ZBBX: variants seen among roughly 807,000 people sequenced by gnomAD.
The protein encoded by ZBBX is zinc finger B-box domain-containing protein 1.
In ZBBX, 101 loss-of-function variants were observed where a neutral mutation model predicts 108.5. The ratio of observed to expected loss-of-function variants is 0.93; its 90% confidence interval spans 0.79 to 1.10. The LOEUF (loss-of-function observed/expected upper bound fraction) is 1.10, where lower values mean the gene tolerates loss of function less well. ZBBX is among the 50% of genes least tolerant of loss of function. The pLI, the probability that ZBBX is intolerant of heterozygous loss-of-function variation, is 0.00. For missense variants in ZBBX, 1,009 were observed against 941.4 expected (o/e 1.07, Z -0.94); for synonymous variants, 356 against 323.4 (o/e 1.10, Z -1.08).
At chr3:167,233,366 G>GCCTCTC in the ZBBX span, among the ~76,000 whole-genome samples, 1,357 of 151,932 alleles carry the variant, frequency 8.9e-3, 24 homozygotes, top group African/African-American at 0.031. Flanking sequence ...ATATCTGTCA[G>GCCTCTC]AGTAAAGCTG....
chr3:167,387,818 T>C (rs1321670091), intron 1 of ZBBX, among the ~76,000 whole-genome samples: 3 of 151,986 alleles, frequency 2.0e-5, no homozygotes, highest in Non-Finnish European at 4.4e-5. Context: ...TGGAATTAAC[T>C]AGATGAGAGG....
chr3:167,367,999 T>C lies in ZBBX; in HGVS notation c.182+462A>G, dbSNP rs962721303. 2.1e-5 allele frequency among the ~76,000 whole-genome samples: 3 copies of C among 145,934 alleles called. No individual in the cohort carries two copies. In the South Asian group the frequency reaches 6.4e-4, roughly 31 times the overall value. On this transcript the variant is annotated intron_variant, in intron 5 of 21. Coordinates refer to ENST00000675490, the MANE Select transcript of ZBBX (RefSeq NM_001199201.2). ...ATATATATATATATACATATATATA[T>C]GTAATAGCATTTATTTTTCAGATCT...
downstream of ZBBX, among the ~76,000 whole-genome samples, chr3:167,239,120 C>A (rs1419355696): frequency 6.6e-6 from 1 of 151,964 alleles, no homozygotes; most frequent in Admixed American, 6.6e-5. Context: ...GGCTGGAGAC[C>A]CAGGGAAGAT....
chr3:167,195,000 C>T, the ZBBX span, among the ~76,000 whole-genome samples: 10 of 152,240 alleles, frequency 6.6e-5, no homozygotes, highest in African/African-American at 1.7e-4. Context: ...TTTCAGGCCA[C>T]GAGAAACGTC....
chr3:167,371,925 T>C (rs1343247790), intron 4 of ZBBX, among the ~76,000 whole-genome samples: 10 of 152,140 alleles, frequency 6.6e-5, no homozygotes, highest in Admixed American at 5.9e-4. Flanking sequence ...TTAAAAATGA[T>C]AGTCTGGGCT....
At position 167,315,757 on chromosome 3, in the gene ZBBX, G is replaced by T. The variant is rs774362196; in HGVS notation, c.1267C>A (p.Gln423Lys). The T allele has an allele frequency of 1.6e-5, 26 of 1,606,404 alleles. No homozygotes were observed. In the Admixed American group the frequency reaches 3.2e-4, roughly 20 times the overall value. ...TAATTAGAAAGGTTTTACCTTCGTTGACTGTCTGCATCAGCTAATTTAACT... is the reference window on the plus strand; with the variant it reads ...TAATTAGAAAGGTTTTACCTTCGTTTACTGTCTGCATCAGCTAATTTAACT... ...YKVKLADADS[Q>K]RSCAFHDCQK... is the part of the protein sequence containing the mutation. The change falls in exon 15 of 22, where the codon CAA becomes AAA. Residue 423 changes from glutamine to lysine, a missense_variant. Coordinates refer to ENST00000675490, the MANE Select transcript of ZBBX (RefSeq NM_001199201.2).
chr3:167,308,832 A>T (rs1734101281), intron 16 of ZBBX, among the ~76,000 whole-genome samples: 1 of 152,166 alleles, frequency 6.6e-6, no homozygotes, highest in Non-Finnish European at 1.5e-5. Context: ...GAGGAGCAGG[A>T]AAAATCACTA....
chr3:167,283,750 A>T (rs1158218891), intron 19 of ZBBX, among the ~76,000 whole-genome samples: 2 of 152,064 alleles, frequency 1.3e-5, no homozygotes, highest in Admixed American at 1.3e-4. Context: ...GGTTCAAGCG[A>T]TTCTCCTGCC....
the ZBBX span, among the ~76,000 whole-genome samples, chr3:167,211,434 A>C: frequency 6.6e-6 from 1 of 152,040 alleles, no homozygotes. Context: ...TCCTGTACAT[A>C]CCCCTAGGCA....
At chr3:167,291,168 C>G (rs988933370) in intron 18 of ZBBX, among the ~76,000 whole-genome samples, 6 of 152,002 alleles carry the variant, frequency 3.9e-5, no homozygotes, top group Admixed American at 3.9e-4. Flanking sequence ...CCCAACCTAC[C>G]AAGACAGGCC....
chr3:167,257,708 G>GT (rs1356473693), intron 20 of ZBBX, among the ~76,000 whole-genome samples: 3 of 151,958 alleles, frequency 2.0e-5, no homozygotes, highest in African/African-American at 7.2e-5. Context: ...CTTTCAGGAG[G>GT]TGGTATCACA....
Position 167,240,569 on chromosome 3 carries a change from C to T in ZBBX, c.*224G>A. Reference sequence around the variant, plus strand: ...ATTTCTTCAAATTCACCATATTTTACTAACATAATCTGCAATATAGATTAG... The same window carrying T: ...ATTTCTTCAAATTCACCATATTTTATTAACATAATCTGCAATATAGATTAG... On this transcript the variant is annotated 3_prime_UTR_variant, in exon 22 of 22. Coordinates refer to ENST00000675490, the MANE Select transcript of ZBBX (RefSeq NM_001199201.2). 2.9e-6 allele frequency: 1 copy of T among 345,548 alleles called. No individual in the cohort carries two copies. Among genetic ancestry groups the T allele is most frequent in the Non-Finnish European group, 5.2e-6 (1 of 192,178 alleles). 21.4% of individuals were successfully genotyped at this position (345,548 alleles called of 1,614,324 possible).
In ZBBX at chr3:167,240,806, G is replaced by T; in HGVS notation, c.2507C>A (p.Ser836Ter). 1 of 1,613,092 alleles carries T rather than the reference G, an allele frequency of 6.2e-7. No individual in the cohort carries two copies. The highest frequency in any genetic ancestry group is 1.1e-5 in the South Asian group (1 of 90,960). Residue 836 changes from serine (S) to a stop codon, truncating the protein, a stop_gained, in exon 22 of 22, where the codon TCA becomes TAA. Coordinates refer to ENST00000675490, the MANE Select transcript of ZBBX (RefSeq NM_001199201.2). LOFTEE classifies it high-confidence loss of function. ...AACAAATAATCTTTAAGTACTCTTTGACCACGGTAGTGTGATGACATGTTG... is the reference window on the plus strand; with the variant it reads ...AACAAATAATCTTTAAGTACTCTTTTACCACGGTAGTGTGATGACATGTTG... ...NKQHVITLPW[S>*]KST
chr3:167,245,515 A>G (rs1203221101), intron 20 of ZBBX, among the ~76,000 whole-genome samples: 1 of 151,642 alleles, frequency 6.6e-6, no homozygotes, highest in Non-Finnish European at 1.5e-5. Context: ...TTAAGTGGTG[A>G]TATGGTTTGG....
At chr3:167,328,191 A>G in intron 10 of ZBBX, 75 bp from the exon 11 acceptor site, 1 of 1,454,714 alleles carries the variant, frequency 6.9e-7, no homozygotes, top group East Asian at 2.3e-5. Context: ...TAATAAAAAA[A>G]TTCTGTGTTT....
At chr3:167,267,010 AC>A (rs1334505144) in intron 20 of ZBBX, among the ~76,000 whole-genome samples, 1 of 152,194 alleles carries the variant, frequency 6.6e-6, no homozygotes, top group Non-Finnish European at 1.5e-5. Context: ...GGGCTCACAT[AC>A]TGCAGCGACC....
intron 20 of ZBBX, among the ~76,000 whole-genome samples, chr3:167,259,317 A>G (rs191868022): frequency 6.6e-6 from 1 of 152,216 alleles, no homozygotes; most frequent in East Asian, 1.9e-4. Flanking sequence ...CAGTTGTAAT[A>G]TCTCCTGTTT....
chr3:167,313,868 G>GT (rs1031271562), intron 16 of ZBBX, 106 bp downstream of exon 16: 308 of 1,064,612 alleles, frequency 2.9e-4, no homozygotes, highest in Non-Finnish European at 3.7e-4. Flanking sequence ...TAGTACTGAG[G>GT]TTTTTTTGGT....
At chr3:167,188,526 G>T in the ZBBX span, among the ~76,000 whole-genome samples, 1 of 152,050 alleles carries the variant, frequency 6.6e-6, no homozygotes, top group African/African-American at 2.4e-5. Flanking sequence ...ATCAGTTTGT[G>T]ATCAGCATAA....
Sources: gnomAD v4.1 joint callset for allele counts (sites outside exome capture counted in the v4.1 genomes callset) on GRCh38, gnomAD v4.1.1 for gene constraint, MANE v1.5 for transcripts, NCBI Gene and HGNC (gene_info 2026-07-23, HGNC 2026-07-21) for gene names.